The following PDZD2 variants were observed in gnomAD, a reference collection of about 807,000 sequenced individuals.
The protein encoded by PDZD2 is PDZ domain-containing protein 2.
In PDZD2, 90 loss-of-function variants were observed where a neutral mutation model predicts 220.7. The observed-to-expected ratio is 0.41, with a 90% CI of 0.34 to 0.49. PDZD2 has a LOEUF of 0.49. Ranked by LOEUF, PDZD2 falls within the 20% of genes least tolerant of loss-of-function variation. PDZD2 has a pLI of 0.28. For synonymous variants in PDZD2, 1,375 were observed against 1,450.5 expected, an observed-to-expected ratio of 0.95 and a Z score of 1.18; for missense variants, 3,174 against 3,608.5, an observed-to-expected ratio of 0.88 and a Z score of 3.08.
chr5:31,857,580 T>C (rs1758566380), intron 2 of PDZD2, among the ~76,000 whole-genome samples: 1 of 152,168 alleles, frequency 6.6e-6, no homozygotes. Flanking sequence ...GAATTGCCAT[T>C]GAGATGTGTG....
chr5:32,110,676 G>A lies in PDZD2; in HGVS notation c.*2541G>A, dbSNP rs972020185. ...ATACCATGAAGATTAAAGTAGGCTG[G>A]GTTTCATTTCCATCTTCCCACACAT... On this transcript the variant is annotated 3_prime_UTR_variant, in exon 25 of 25. Transcript: ENST00000438447. The A allele has an allele frequency of 2.0e-5, 3 of 152,464 alleles. No homozygotes were observed. Among genetic ancestry groups the A allele is most frequent in the Non-Finnish European group, 2.9e-5 (2 of 68,002 alleles). The allele number at this position is 152,464 out of a possible 1,614,324, so 9.4% of individuals were successfully genotyped here. A position where few individuals can be genotyped will look rare whatever the true frequency, so the allele number is the denominator to read the frequency against.
At chr5:31,848,578 G>C (rs1477839478) in intron 2 of PDZD2, among the ~76,000 whole-genome samples, 1 of 151,416 alleles carries the variant, frequency 6.6e-6, no homozygotes. Context: ...GTGAAACCCC[G>C]TCTCTACTAA....
At position 31,956,964 on chromosome 5, in the gene PDZD2, C is replaced by T. The variant is rs557775722; in HGVS notation, c.477-26191C>T. Among the ~76,000 whole-genome samples the T allele has an allele frequency of 1.3e-3, 191 of 152,204 alleles. 1 individual carries two copies. Among genetic ancestry groups the T allele is most frequent in the South Asian group, 5.4e-3 (26 of 4,812 alleles). On this transcript the variant is annotated intron_variant, in intron 2 of 24. Transcript: ENST00000438447. ...AAAGTGCAGTGACACGATCATACCT[C>T]GCTGTAGCCTCGAACTCCTGTAACA...
At chr5:32,036,120 C>T (rs971643609) in intron 6 of PDZD2, among the ~76,000 whole-genome samples, 10 of 152,062 alleles carry the variant, frequency 6.6e-5, no homozygotes, top group African/African-American at 2.2e-4. Flanking sequence ...ATTTCACACC[C>T]GGCTAATTTT....
chr5:31,867,177 C>T (rs114737734), intron 2 of PDZD2, among the ~76,000 whole-genome samples: 2,757 of 152,284 alleles, frequency 0.018, 94 homozygotes, highest in African/African-American at 0.064. Context: ...TATTGCTTCC[C>T]TCTGGCTGCA....
intron 1 of PDZD2, among the ~76,000 whole-genome samples, chr5:31,722,901 T>C (rs1479218031): frequency 6.6e-6 from 1 of 152,182 alleles, no homozygotes; most frequent in Non-Finnish European, 1.5e-5. Flanking sequence ...TTGTCCAGGC[T>C]GGTCGTGAAC....
chr5:31,806,924 C>T (rs904719062), intron 2 of PDZD2, among the ~76,000 whole-genome samples: 23 of 144,922 alleles, frequency 1.6e-4, no homozygotes, highest in African/African-American at 4.7e-4. Flanking sequence ...AAACTTTGGG[C>T]GTCTTTGTTT....
intron 7 of PDZD2, among the ~76,000 whole-genome samples, chr5:32,040,189 G>A (rs1755942691): frequency 6.6e-6 from 1 of 150,746 alleles, no homozygotes; most frequent in African/African-American, 2.4e-5. Context: ...TCTGGGAGAT[G>A]AGGAGCGCTT....
At chr5:31,737,575 G>A (rs1249179452) in intron 1 of PDZD2, among the ~76,000 whole-genome samples, 1 of 152,178 alleles carries the variant, frequency 6.6e-6, no homozygotes, top group Non-Finnish European at 1.5e-5. Context: ...ATGGGGACCA[G>A]AATGGCCATA....
At chr5:31,777,271 A>C (rs954958243) in intron 1 of PDZD2, among the ~76,000 whole-genome samples, 1 of 152,154 alleles carries the variant, frequency 6.6e-6, no homozygotes, top group East Asian at 1.9e-4. Context: ...AGGGGGCGCC[A>C]GGTCCCCCAG....
chr5:32,078,780 G>A (rs1294418830), intron 19 of PDZD2, among the ~76,000 whole-genome samples: 1 of 150,882 alleles, frequency 6.6e-6, no homozygotes, highest in East Asian at 1.9e-4. Context: ...ACTCCAGCCT[G>A]GGTGACAGAA....
intron 2 of PDZD2, among the ~76,000 whole-genome samples, chr5:31,925,729 G>A (rs1316421592): frequency 2.7e-5 from 4 of 146,682 alleles, no homozygotes; most frequent in Non-Finnish European, 6.0e-5. Context: ...TCTAATACTA[G>A]AATCTATAAG....
At position 32,074,081 on chromosome 5, in the gene PDZD2, C is replaced by CCAT. The variant is rs757307435; in HGVS notation, c.2978_2980dup (p.Ile993dup). ...TCACTCCCAGGGGCCCTCCCGGGTC[C>CCAT]CATCAGGCCTCTGTCAGAGGATGAC... On this transcript the variant is annotated inframe_insertion, in exon 18 of 25. Transcript: ENST00000438447. The CCAT allele has an allele frequency of 1.9e-6, 3 of 1,614,208 alleles. No individual in the cohort carries two copies. Among genetic ancestry groups the CCAT allele is most frequent in the Non-Finnish European group, 1.7e-6 (2 of 1,180,022 alleles).
Position 32,042,833 on chromosome 5 carries a change from C to G in PDZD2, c.1519+5491C>G, listed in dbSNP as rs147680327. On this transcript the variant is annotated intron_variant, in intron 7 of 24. Transcript: ENST00000438447. Reference sequence around the variant, plus strand: ...GGGAGTCACAAGGGCACAGAGGAGGCCTTCCTGTTGTCCATCTTGGCAGAG... The same window carrying G: ...GGGAGTCACAAGGGCACAGAGGAGGGCTTCCTGTTGTCCATCTTGGCAGAG... Among the ~76,000 whole-genome samples, 1,420 of 152,258 alleles carry G rather than the reference C, an allele frequency of 9.3e-3. 5 individuals are homozygous for G. The highest frequency in any genetic ancestry group is 0.014 in the Middle Eastern group (4 of 294).
At chr5:31,949,397 C>T (rs1169644348) in intron 2 of PDZD2, among the ~76,000 whole-genome samples, 3 of 152,144 alleles carry the variant, frequency 2.0e-5, no homozygotes, top group Admixed American at 6.6e-5. Context: ...AATTCTGGCT[C>T]ATTTAAGCAG....
chr5:31,845,370 A>G (rs1242224428), intron 2 of PDZD2, among the ~76,000 whole-genome samples: 4 of 152,174 alleles, frequency 2.6e-5, no homozygotes, highest in African/African-American at 4.8e-5. Flanking sequence ...TTATTCCACT[A>G]CGTCTCCACA....
At chr5:31,883,142 A>G (rs898124243) in intron 2 of PDZD2, among the ~76,000 whole-genome samples, 1 of 151,568 alleles carries the variant, frequency 6.6e-6, no homozygotes, top group African/African-American at 2.4e-5. Flanking sequence ...TTAATGCATT[A>G]ATAACTAGAC....
At chr5:32,045,191 A>T (rs1323147226) in intron 7 of PDZD2, among the ~76,000 whole-genome samples, 1 of 152,202 alleles carries the variant, frequency 6.6e-6, no homozygotes, top group Admixed American at 6.5e-5. Context: ...GTTAGTATTA[A>T]GTCATGAATT....
intron 1 of PDZD2, among the ~76,000 whole-genome samples, chr5:31,788,039 T>G (rs1006732982): frequency 3.3e-5 from 5 of 152,240 alleles, no homozygotes; most frequent in Admixed American, 1.3e-4. Flanking sequence ...GCACAGCCCT[T>G]CATCTAGTGT....
Sources: allele counts gnomAD v4.1 joint callset (sites outside exome capture counted in the v4.1 genomes callset), GRCh38; gene constraint gnomAD v4.1.1; transcripts MANE v1.5; gene names NCBI Gene and HGNC (gene_info 2026-07-23, HGNC 2026-07-21).